The following SLC30A6 variants were observed in gnomAD, a reference collection of about 807,000 sequenced individuals.
SLC30A6 encodes zinc transporter 6.
In SLC30A6, 55 loss-of-function variants were observed where a neutral mutation model predicts 63.0. The ratio of observed to expected loss-of-function variants is 0.87; its 90% CI spans 0.70 to 1.09. SLC30A6 has a LOEUF of 1.09. SLC30A6 is among the 50% of genes least tolerant of loss of function. The pLI, the probability that SLC30A6 is intolerant of heterozygous loss-of-function variation, is 0.00. For missense variants in SLC30A6, 587 were observed against 549.2 expected, an observed-to-expected ratio of 1.07 and a Z score of -0.69; for synonymous variants, 224 against 186.1, an observed-to-expected ratio of 1.20 and a Z score of -1.66.
At chr2:32,171,174 G>T in intron 1 of SLC30A6, 113 bp from the exon 2 acceptor site, 1 of 740,140 alleles carries the variant, frequency 1.4e-6, no homozygotes. Context: ...GATGTATATT[G>T]AGTACTTAAT....
chr2:32,203,555 G>A, intron 10 of SLC30A6: 1 of 1,603,558 alleles, frequency 6.2e-7, no homozygotes, highest in Non-Finnish European at 8.5e-7. Context: ...CTCTGATAGG[G>A]ATTTGTGACC....
At position 32,223,727 on chromosome 2, in the gene SLC30A6, T is replaced by A. The variant is rs956020653; in HGVS notation, c.*3014T>A. ...TGTTTTTTTCAGGCTTGCCTCTACTTAAATATATTTAGATGAGAGAGTTCT... is the reference window on the plus strand; with the variant it reads ...TGTTTTTTTCAGGCTTGCCTCTACTAAAATATATTTAGATGAGAGAGTTCT... On this transcript the variant is annotated 3_prime_UTR_variant, in exon 14 of 14. Coordinates refer to ENST00000282587, the MANE Select transcript of SLC30A6 (RefSeq NM_017964.5). 7 of 152,242 alleles carry A rather than the reference T, an allele frequency of 4.6e-5. No homozygotes were observed. Among genetic ancestry groups the A allele is most frequent in the Admixed American group, 3.9e-4 (6 of 15,286 alleles). The allele number at this position is 152,242 out of a possible 1,614,324, so 9.4% of individuals were successfully genotyped here.
At chr2:32,216,346 G>A (rs568540962) in intron 13 of SLC30A6, among the ~76,000 whole-genome samples, 1 of 152,012 alleles carries the variant, frequency 6.6e-6, no homozygotes, top group Non-Finnish European at 1.5e-5. Context: ...GACCAGCCTG[G>A]CCAACATAGC....
Position 32,197,729 on chromosome 2 carries a change from C to A in SLC30A6, c.568C>A (p.Leu190Ile). ...TAGCTTGTGTGGAATTATTCCGGGA[C>A]TTAGCAGTATCTTCCTTCCCCGAAT... ...SRSLCGIIPG[L>I]SSIFLPRMNP... Residue 190 changes from leucine to isoleucine, a missense_variant, in exon 10 of 14, where the codon CTT becomes ATT. Leu to Ile is a conservative substitution (Grantham distance 5). Transcript: ENST00000282587. 1 of 1,614,108 alleles carries A rather than the reference C, an allele frequency of 6.2e-7. No homozygotes were observed. Among genetic ancestry groups the A allele is most frequent in the South Asian group, 1.1e-5 (1 of 91,084 alleles).
intron 1 of SLC30A6, among the ~76,000 whole-genome samples, chr2:32,168,526 C>G (rs1680889389): frequency 6.6e-6 from 1 of 151,674 alleles, no homozygotes; most frequent in Non-Finnish European, 1.5e-5. Flanking sequence ...AGCAATGTAA[C>G]AAGTTGAAGG....
At chr2:32,197,684 T>G in intron 9 of SLC30A6, 23 bp from the exon 10 acceptor site, 1 of 1,613,510 alleles carries the variant, frequency 6.2e-7, no homozygotes, top group East Asian at 2.2e-5. Flanking sequence ...TAATGGATAC[T>G]CTTTCTGTTT....
In SLC30A6 at chr2:32,204,657, C is replaced by T. The variant is rs759905287; in HGVS notation, c.733C>T (p.Pro245Ser). Residue 245 changes from proline (P) to serine (S), a missense_variant, in exon 11 of 14, where the codon CCC becomes TCC. By Grantham distance (74) the Pro-to-Ser change is moderately conservative. Transcript: ENST00000282587. Reference protein sequence around the residue: ...IALMTFGTMYPMSVYSGKVLL... With the variant: ...IALMTFGTMYSMSVYSGKVLL... ...CTTGATGACATTTGGCACTATGTAT[C>T]CCATGAGTGTGTACAGTGGGAAAGT... is the stretch of plus-strand genomic sequence containing the variant. 7 of 1,612,862 alleles carry T rather than the reference C, an allele frequency of 4.3e-6. No homozygotes were observed. In the East Asian group the frequency reaches 8.9e-5, roughly 21 times the overall value.
At chr2:32,195,008 CTA>C (rs1205538264) in intron 8 of SLC30A6, among the ~76,000 whole-genome samples, 7 of 150,952 alleles carry the variant, frequency 4.6e-5, no homozygotes, top group African/African-American at 1.5e-4. Flanking sequence ...GTTAACATTT[CTA>C]TGTTATTCCT....
chr2:32,191,558 A>G (rs1683322136), intron 5 of SLC30A6, among the ~76,000 whole-genome samples: 2 of 152,236 alleles, frequency 1.3e-5, no homozygotes, highest in African/African-American at 2.4e-5. Flanking sequence ...GGATTATAAA[A>G]TATATTCATA....
rs114250541 is a variant in SLC30A6 at position 32,169,248 on chromosome 2, C to G, written c.4-2039C>G. 3.0e-3 allele frequency among the ~76,000 whole-genome samples: 450 copies of G among 152,258 alleles called. 4 individuals carry two copies. Among genetic ancestry groups the G allele is most frequent in the African/African-American group, 0.01 (425 of 41,548 alleles). Reference sequence around the variant, plus strand: ...TTGAGTAAAGTGTGAACCTGGCTCACTGCTTGACTTCCCGGGCTCATGCGA... The same window carrying G: ...TTGAGTAAAGTGTGAACCTGGCTCAGTGCTTGACTTCCCGGGCTCATGCGA... On this transcript the variant is annotated intron_variant, in intron 1 of 13. Transcript: ENST00000282587.
At chr2:32,214,029 A>G (rs1459671848) in intron 13 of SLC30A6, among the ~76,000 whole-genome samples, 5 of 152,114 alleles carry the variant, frequency 3.3e-5, no homozygotes, top group African/African-American at 1.2e-4. Context: ...GGAGGTTGGA[A>G]TCTCTCTTTT....
rs144100698 is a variant in SLC30A6 at position 32,217,978 on chromosome 2, G to A, written c.886-2235G>A. On this transcript the variant is annotated intron_variant, in intron 13 of 13. Transcript: ENST00000282587. ...AGCCTCCTGCGTAGCTGAGTAGCTG[G>A]CACTACAGATGTGTGCCACCACGCC... 6.5e-3 allele frequency among the ~76,000 whole-genome samples: 988 copies of A among 152,136 alleles called. 7 individuals are homozygous for A. Among genetic ancestry groups the A allele is most frequent in the Non-Finnish European group, 0.011 (726 of 68,002 alleles).
At chr2:32,210,582 G>A (rs1391648609) in intron 13 of SLC30A6, among the ~76,000 whole-genome samples, 2 of 138,048 alleles carry the variant, frequency 1.4e-5, no homozygotes, top group Non-Finnish European at 3.1e-5. Context: ...AGCTCTTTTT[G>A]TTTAATTAAT....
rs761214774 is a variant in SLC30A6 at position 32,193,978 on chromosome 2, C to T, written c.491C>T (p.Ser164Leu). Residue 164 changes from serine to leucine, a missense_variant, in exon 8 of 14, where the codon TCA becomes TTA. Transcript: ENST00000282587. ...SIRNKPFAYV[S>L]EAASTSWLQE... ...CGGAATAAACCTTTTGCTTATGTCT[C>T]AGAAGGTATGTTTTTTATTTACTAT... The T allele has an allele frequency of 2.1e-5, 33 of 1,609,038 alleles. No homozygotes were observed. The highest frequency in any genetic ancestry group is 2.7e-5 in the Non-Finnish European group (32 of 1,178,148).
At position 32,165,883 on chromosome 2, in the gene SLC30A6, G is replaced by T. The variant is rs367948694; in HGVS notation, c.-18G>T. The T allele has an allele frequency of 6.2e-7, 1 of 1,614,072 alleles. No homozygotes were observed. Among genetic ancestry groups the T allele is most frequent in the South Asian group, 1.1e-5 (1 of 91,068 alleles). ...GCACCCAGAACGGCTTCCGGCGGGA[G>T]CTGTGCAGCTCCTTATCATGGTGAG... On this transcript the variant is annotated 5_prime_UTR_variant, in exon 1 of 14. Transcript: ENST00000282587.
intron 10 of SLC30A6, chr2:32,203,253 C>T: frequency 4.1e-6 from 4 of 973,910 alleles, no homozygotes; most frequent in Non-Finnish European, 5.0e-6. Flanking sequence ...GCTGGACAGA[C>T]AGGGATTTGT....
intron 8 of SLC30A6, 52 bp from the exon 9 acceptor site, chr2:32,197,292 T>A: frequency 2.0e-6 from 3 of 1,471,064 alleles, no homozygotes; most frequent in Non-Finnish European, 2.8e-6. Flanking sequence ...ATATTTCAGG[T>A]AGTGGTTTTT....
rs1033293794 is a variant in SLC30A6 at position 32,220,282 on chromosome 2, A to G, written c.955A>G (p.Arg319Gly). ...AATGGTTCTTGCTCATGTGACCAAC[A>G]GGCTGTACACTCTAGTGTCTACTCT... ...EQMVLAHVTN[R>G]LYTLVSTLTV... Residue 319 changes from arginine (R) to glycine (G), a missense_variant, in exon 14 of 14, where the codon AGG (arginine) becomes GGG (glycine). Coordinates refer to ENST00000282587, the MANE Select transcript of SLC30A6 (RefSeq NM_017964.5). The G allele has an allele frequency of 6.2e-7, 1 of 1,614,216 alleles. No homozygotes were observed. The highest frequency in any genetic ancestry group is 8.5e-7 in the Non-Finnish European group (1 of 1,180,034).
At chr2:32,186,457 G>A (rs1682821919) in intron 5 of SLC30A6, among the ~76,000 whole-genome samples, 1 of 152,320 alleles carries the variant, frequency 6.6e-6, no homozygotes. Context: ...AGGCCAAGGT[G>A]GGTGGATCAC....
Sources: allele counts gnomAD v4.1 joint callset (sites outside exome capture counted in the v4.1 genomes callset), GRCh38; gene constraint gnomAD v4.1.1; transcripts MANE v1.5; gene names NCBI Gene and HGNC (gene_info 2026-07-23, HGNC 2026-07-21).